DCC: variants seen among roughly 807,000 people sequenced by gnomAD.
DCC encodes DCC netrin 1 receptor.
A neutral mutation model predicts 172.5 loss-of-function variants in DCC; 58 were observed. The observed-to-expected ratio is 0.34, with a 90% CI of 0.27 to 0.42. The LOEUF (loss-of-function observed/expected upper bound fraction) is 0.42, where lower values mean the gene tolerates loss of function less well. Among genes scored for constraint, DCC ranks in the 10% least tolerant of loss-of-function variants. The pLI is 1.00. For missense variants in DCC, 1,740 were observed against 1,791.0 expected (o/e 0.97, Z 0.51); for synonymous variants, 709 against 644.5 (o/e 1.10, Z -1.52).
chr18:52,590,190 T>C (rs1444567423), intron 1 of DCC, among the ~76,000 whole-genome samples: 1 of 152,076 alleles, frequency 6.6e-6, no homozygotes, highest in East Asian at 1.9e-4. Flanking sequence ...TGTATGCAAT[T>C]ATTTTAAATT....
chr18:52,368,329 TA>T (rs1984967625), intron 1 of DCC, among the ~76,000 whole-genome samples: 1 of 152,164 alleles, frequency 6.6e-6, no homozygotes, highest in African/African-American at 2.4e-5. Context: ...TTAGAATTGG[TA>T]AGTAGTTGTT....
chr18:52,697,939 T>C (rs998222058), intron 1 of DCC, among the ~76,000 whole-genome samples: 27 of 152,206 alleles, frequency 1.8e-4, no homozygotes, highest in African/African-American at 6.3e-4. Flanking sequence ...CTTGGTTTTG[T>C]GTTTTAATTT....
chr18:53,448,047 G>GTTTTTTTTTTTTTTTTT (rs35238619), intron 22 of DCC, among the ~76,000 whole-genome samples: 3 of 113,730 alleles, frequency 2.6e-5, no homozygotes, highest in African/African-American at 1.0e-4. Context: ...ATTTTGATGA[G>GTTTTTTTTTTTTTTTTT]TTTTTTTTTT....
At chr18:53,094,580 C>G (rs187766627) in intron 7 of DCC, among the ~76,000 whole-genome samples, 55 of 152,282 alleles carry the variant, frequency 3.6e-4, no homozygotes, top group African/African-American at 1.2e-3. Context: ...AGCTAAACTT[C>G]TGAATTTTTC....
chr18:53,053,110 T>C (rs987049396), intron 5 of DCC, among the ~76,000 whole-genome samples: 3 of 152,000 alleles, frequency 2.0e-5, no homozygotes, highest in African/African-American at 7.3e-5. Context: ...ACCACTGCAC[T>C]CCAGCCTGGG....
intron 28 of DCC, among the ~76,000 whole-genome samples, chr18:53,527,679 G>GA (rs925741810): frequency 1.1e-4 from 17 of 150,346 alleles, no homozygotes; most frequent in African/African-American, 2.7e-4. Flanking sequence ...TAGAGAAGGG[G>GA]AAAAAATCAG....
At chr18:52,861,525 T>C (rs577421650) in intron 2 of DCC, among the ~76,000 whole-genome samples, 11 of 152,308 alleles carry the variant, frequency 7.2e-5, no homozygotes, top group African/African-American at 2.6e-4. Context: ...GGAGAAATCA[T>C]GTAGATAGAA....
intron 15 of DCC, among the ~76,000 whole-genome samples, chr18:53,352,042 A>G (rs2057818637): frequency 6.6e-6 from 1 of 152,080 alleles, no homozygotes; most frequent in African/African-American, 2.4e-5. Flanking sequence ...TAAAGAAAGG[A>G]GCCTGGTATC....
chr18:53,322,524 T>C (rs2057423739), intron 14 of DCC, among the ~76,000 whole-genome samples: 1 of 152,142 alleles, frequency 6.6e-6, no homozygotes, highest in South Asian at 2.1e-4. Flanking sequence ...ACTATAACTA[T>C]ATAATATAGC....
At chr18:52,513,797 A>G (rs1038457236) in intron 1 of DCC, among the ~76,000 whole-genome samples, 2 of 152,154 alleles carry the variant, frequency 1.3e-5, no homozygotes, top group Non-Finnish European at 2.9e-5. Context: ...AAATATCTCA[A>G]TCACATTCAA....
chr18:53,140,409 G>C (rs879753099), intron 7 of DCC, among the ~76,000 whole-genome samples: 2 of 152,152 alleles, frequency 1.3e-5, no homozygotes, highest in Non-Finnish European at 2.9e-5. Context: ...GCATTTTTAT[G>C]AGAGGAAATT....
At chr18:52,386,178 G>T (rs959580185) in intron 1 of DCC, among the ~76,000 whole-genome samples, 1 of 151,918 alleles carries the variant, frequency 6.6e-6, no homozygotes, top group African/African-American at 2.4e-5. Flanking sequence ...TTTTCCAGGG[G>T]GCAAAACAGC....
intron 2 of DCC, among the ~76,000 whole-genome samples, chr18:52,885,786 A>G (rs1177094965): frequency 6.6e-6 from 1 of 152,024 alleles, no homozygotes; most frequent in African/African-American, 2.4e-5. Context: ...TGAAGCCACA[A>G]CATCTCAGGG....
At chr18:53,211,640 C>T (rs1236907030) in intron 11 of DCC, among the ~76,000 whole-genome samples, 1 of 151,980 alleles carries the variant, frequency 6.6e-6, no homozygotes, top group East Asian at 1.9e-4. Flanking sequence ...AGGAGAATGG[C>T]GTGAACCCAG....
chr18:53,500,894 T>C (rs557615153), intron 27 of DCC, among the ~76,000 whole-genome samples: 120 of 152,218 alleles, frequency 7.9e-4, no homozygotes, highest in African/African-American at 1.0e-3. Flanking sequence ...CACCCTCCCA[T>C]GCATACACAC....
intron 21 of DCC, among the ~76,000 whole-genome samples, chr18:53,426,708 C>T (rs1039452): frequency 0.23 from 34,899 of 151,648 alleles, 4,629 homozygotes; most frequent in East Asian, 0.41. Context: ...TAACATTTTC[C>T]GTCTCACTGA....
At chr18:53,019,689 C>A (rs2041853439) in intron 5 of DCC, among the ~76,000 whole-genome samples, 1 of 152,068 alleles carries the variant, frequency 6.6e-6, no homozygotes, top group African/African-American at 2.4e-5. Flanking sequence ...CGGGAATTGG[C>A]AAATTAAGGA....
At chr18:53,198,603 T>G (rs1401766676) in intron 9 of DCC, among the ~76,000 whole-genome samples, 1 of 152,178 alleles carries the variant, frequency 6.6e-6, no homozygotes, top group Non-Finnish European at 1.5e-5. Flanking sequence ...TAAAGTGCTC[T>G]GTTATACTAT....
At chr18:53,059,500 C>T (rs1321498124) in intron 5 of DCC, among the ~76,000 whole-genome samples, 1 of 152,056 alleles carries the variant, frequency 6.6e-6, no homozygotes, top group Non-Finnish European at 1.5e-5. Context: ...ATTCCTAATC[C>T]AACCCAAGCC....
Sources: gnomAD v4.1 joint callset for allele counts (sites outside exome capture counted in the v4.1 genomes callset) on GRCh38, gnomAD v4.1.1 for gene constraint, MANE v1.5 for transcripts, NCBI Gene and HGNC (gene_info 2026-07-23, HGNC 2026-07-21) for gene names.